B3GLCT: variants seen among roughly 807,000 people sequenced by gnomAD.
B3GLCT encodes the protein beta-1,3-glucosyltransferase.
A neutral mutation model predicts 63.4 loss-of-function variants in B3GLCT; 65 were observed. The ratio of observed to expected loss-of-function variants is 1.03; its 90% CI spans 0.84 to 1.26. The LOEUF is 1.26. B3GLCT is among the 50% of genes most tolerant of loss of function. The pLI, the probability that B3GLCT is intolerant of heterozygous loss-of-function variation, is 0.00. For missense variants in B3GLCT, 577 were observed against 604.8 expected (o/e 0.95, Z 0.48); for synonymous variants, 233 against 219.2 (o/e 1.06, Z -0.55).
At chr13:31,260,268 A>T (rs1252874875) in intron 6 of B3GLCT, 1 of 152,166 alleles carries the variant, frequency 6.6e-6, no homozygotes, top group Non-Finnish European at 1.5e-5. Context: ...CTGAGGATGA[A>T]CAAAATGCTA....
chr13:31,249,199 C>G (rs760660969), intron 6 of B3GLCT, among the ~76,000 whole-genome samples: 2 of 152,190 alleles, frequency 1.3e-5, no homozygotes, highest in African/African-American at 4.8e-5. Context: ...TTCTCCAACC[C>G]TGGAAAGCCT....
Position 31,329,755 on chromosome 13 carries a change from T to G in B3GLCT, c.*87T>G. The G allele has an allele frequency of 1.4e-6, 2 of 1,443,778 alleles. No homozygotes were observed. Among genetic ancestry groups the G allele is most frequent in the Admixed American group, 3.6e-5 (2 of 56,026 alleles). The allele number at this position is 1,443,778 out of a possible 1,614,324, so 89.4% of individuals were successfully genotyped here. On this transcript the variant is annotated 3_prime_UTR_variant, in exon 15 of 15. Coordinates refer to ENST00000343307, the MANE Select transcript of B3GLCT (RefSeq NM_194318.4). ...CACTGTGCTGTGCTCACAACACTTG[T>G]GTCTGCCACATGGCATTGGGTGCTT... is the stretch of plus-strand genomic sequence containing the variant.
intron 6 of B3GLCT, among the ~76,000 whole-genome samples, chr13:31,250,119 A>G (rs376200565): frequency 6.6e-6 from 1 of 152,172 alleles, no homozygotes; most frequent in Non-Finnish European, 1.5e-5. Flanking sequence ...TTGTAACCAC[A>G]GTATGCTTTT....
chr13:31,240,327 G>A (rs12427851), intron 4 of B3GLCT, among the ~76,000 whole-genome samples: 26,874 of 152,054 alleles, frequency 0.18, 2,562 homozygotes, highest in Non-Finnish European at 0.2. Flanking sequence ...TAATTTTGTA[G>A]CCTTTTGTGG....
Position 31,226,878 on chromosome 13 carries a change from A to C in B3GLCT, c.161-2307A>C, listed in dbSNP as rs143240730. 2.1e-3 allele frequency among the ~76,000 whole-genome samples: 323 copies of C among 152,374 alleles called. 1 individual carries two copies. The highest frequency in any genetic ancestry group is 7.2e-3 in the African/African-American group (301 of 41,592). On this transcript the variant is annotated intron_variant, in intron 3 of 14. Transcript: ENST00000343307. Reference sequence around the variant, plus strand: ...TAGATTAAGAAATAAAATATCACCTAGATTAAGAAATTAAATACCATTAAC... The same window carrying C: ...TAGATTAAGAAATAAAATATCACCTCGATTAAGAAATTAAATACCATTAAC...
chr13:31,238,437 T>C (rs999845916), intron 4 of B3GLCT, among the ~76,000 whole-genome samples: 1 of 152,188 alleles, frequency 6.6e-6, no homozygotes, highest in African/African-American at 2.4e-5. Flanking sequence ...GGTGCTGAGG[T>C]TGATAATTTT....
intron 8 of B3GLCT, among the ~76,000 whole-genome samples, chr13:31,273,610 A>G (rs528540032): frequency 8.0e-4 from 120 of 150,416 alleles, no homozygotes; most frequent in African/African-American, 2.8e-3. Context: ...TTTGTGTGTG[A>G]TTTTTTTTTC....
At chr13:31,231,528 C>A (rs936454653) in intron 4 of B3GLCT, among the ~76,000 whole-genome samples, 20 of 152,154 alleles carry the variant, frequency 1.3e-4, no homozygotes, top group African/African-American at 4.8e-4. Flanking sequence ...ATTGCATATG[C>A]CCCTATACTT....
intron 13 of B3GLCT, among the ~76,000 whole-genome samples, chr13:31,321,499 G>A (rs1566098588): frequency 6.6e-6 from 1 of 152,228 alleles, no homozygotes; most frequent in Non-Finnish European, 1.5e-5. Flanking sequence ...ATAAGGGTAA[G>A]TATTGTTTGT....
At position 31,329,789 on chromosome 13, in the gene B3GLCT, T is replaced by C; in HGVS notation, c.*121T>C. On this transcript the variant is annotated 3_prime_UTR_variant, in exon 15 of 15. Transcript: ENST00000343307. ...CATGGCATTGGGTGCTTCCTGACTT[T>C]AGGGGGAGATTTTATGTATGGTATT... The C allele has an allele frequency of 3.7e-6, 4 of 1,085,396 alleles. No homozygotes were observed. Among genetic ancestry groups the C allele is most frequent in the Non-Finnish European group, 5.5e-6 (4 of 728,582 alleles). 67.2% of individuals were successfully genotyped at this position (1,085,396 alleles called of 1,614,324 possible).
Position 31,323,673 on chromosome 13 carries a change from G to A in B3GLCT, c.1185-78G>A, listed in dbSNP as rs144890415. 603 of 1,556,978 alleles carry A rather than the reference G, an allele frequency of 3.9e-4. 2 individuals carry two copies. The African/African-American group carries it at 7.3e-3, about 19-fold the overall frequency. On this transcript the variant is annotated intron_variant, in intron 13 of 14. Coordinates refer to ENST00000343307, the MANE Select transcript of B3GLCT (RefSeq NM_194318.4). ...TCTCAGTCTGCAGGAGTAAAGTCCT[G>A]TTTCCCGGGGCCCATTTGTGCAGCA...
At chr13:31,316,407 T>TATA (rs1555255282) in intron 12 of B3GLCT, among the ~76,000 whole-genome samples, 1 of 40,866 alleles carries the variant, frequency 2.4e-5, no homozygotes, top group Non-Finnish European at 5.4e-5. Context: ...TTTGGAGGTT[T>TATA]TATATATATA....
chr13:31,229,469 G>A (rs536392129), intron 4 of B3GLCT, among the ~76,000 whole-genome samples, 175 bp downstream of exon 4: 35 of 152,272 alleles, frequency 2.3e-4, no homozygotes, highest in Admixed American at 6.5e-4. Flanking sequence ...CGGTCAGCTG[G>A]GCGTGGTGGC....
chr13:31,268,111 G>T (rs1405237438), intron 7 of B3GLCT, among the ~76,000 whole-genome samples: 4 of 152,128 alleles, frequency 2.6e-5, no homozygotes, highest in Non-Finnish European at 4.4e-5. Flanking sequence ...CTCCCAAAGT[G>T]CTGGGATTAT....
intron 6 of B3GLCT, among the ~76,000 whole-genome samples, chr13:31,258,073 C>T (rs1302088229): frequency 6.6e-6 from 1 of 152,116 alleles, no homozygotes; most frequent in East Asian, 1.9e-4. Context: ...ATGGGCTTAC[C>T]TGTCTATATA....
intron 3 of B3GLCT, among the ~76,000 whole-genome samples, chr13:31,225,163 C>A (rs753837995): frequency 1.1e-4 from 17 of 152,204 alleles, no homozygotes; most frequent in Admixed American, 2.6e-4. Flanking sequence ...TAGTGTGCGG[C>A]CCATTTATTG....
intron 12 of B3GLCT, among the ~76,000 whole-genome samples, chr13:31,297,431 G>A (rs1287899301): frequency 8.7e-6 from 1 of 115,498 alleles, no homozygotes; most frequent in Non-Finnish European, 1.8e-5. Context: ...ATTTTGATTT[G>A]CATTTCCCTA....
chr13:31,256,192 C>A (rs1871730820), intron 6 of B3GLCT, among the ~76,000 whole-genome samples: 1 of 152,214 alleles, frequency 6.6e-6, no homozygotes, highest in African/African-American at 2.4e-5. Flanking sequence ...AGTTCATCAT[C>A]ACTGGTTATT....
chr13:31,314,338 A>C (rs1874881395), intron 12 of B3GLCT, among the ~76,000 whole-genome samples: 1 of 152,208 alleles, frequency 6.6e-6, no homozygotes, highest in South Asian at 2.1e-4. Flanking sequence ...TCAGCCTGTG[A>C]AAGCAGCCAG....
Sources: gnomAD v4.1 joint callset for allele counts (sites outside exome capture counted in the v4.1 genomes callset) on GRCh38, gnomAD v4.1.1 for gene constraint, MANE v1.5 for transcripts, NCBI Gene and HGNC (gene_info 2026-07-23, HGNC 2026-07-21) for gene names.